The following TBC1D30 variants were observed in gnomAD, a reference collection of about 807,000 sequenced individuals.
TBC1D30 encodes TBC1 domain family, member 30.
TBC1D30 carries 31 observed loss-of-function variants against 63.2 expected under a neutral mutation model. The ratio of observed to expected loss-of-function variants is 0.49; its 90% CI spans 0.37 to 0.66. The LOEUF (loss-of-function observed/expected upper bound fraction) is 0.66. Among genes scored for constraint, TBC1D30 ranks in the 30% least tolerant of loss-of-function variants. The pLI is 0.00. For missense variants in TBC1D30, 810 were observed against 953.6 expected, an observed-to-expected ratio of 0.85 and a Z score of 1.98; for synonymous variants, 307 against 361.5, an observed-to-expected ratio of 0.85 and a Z score of 1.71.
intron 1 of TBC1D30, among the ~76,000 whole-genome samples, chr12:64,781,722 G>A (rs1871305889): frequency 6.7e-6 from 1 of 149,470 alleles, no homozygotes; most frequent in African/African-American, 2.5e-5. Flanking sequence ...TGTTTTTAAA[G>A]TCCGCCTTCT....
chr12:64,791,761 G>A (rs143810187), intron 2 of TBC1D30, among the ~76,000 whole-genome samples: 1 of 151,840 alleles, frequency 6.6e-6, no homozygotes, highest in Non-Finnish European at 1.5e-5. Context: ...GGCATGGAGG[G>A]GGTGGTGGGG....
chr12:64,791,363 G>A lies in TBC1D30; in HGVS notation c.643+5318G>A, dbSNP rs911493877. Among the ~76,000 whole-genome samples the A allele has an allele frequency of 8.5e-5, 13 of 152,220 alleles. 1 individual carries two copies. The South Asian group carries it at 2.7e-3, about 32-fold the overall frequency. On this transcript the variant is annotated intron_variant, in intron 2 of 12. Transcript: ENST00000542120. ...GTGGTGATGGTTGTACAATTTTATG[G>A]CATGTGAATTATATAAAATATGATA...
intron 2 of TBC1D30, among the ~76,000 whole-genome samples, chr12:64,817,980 T>C (rs2136340034): frequency 6.6e-6 from 1 of 151,848 alleles, no homozygotes; most frequent in East Asian, 1.9e-4. Context: ...CAGAAATCAC[T>C]TGAACCCAGG....
chr12:64,760,708 G>A (rs1174289524), intron 1 of TBC1D30, among the ~76,000 whole-genome samples: 2 of 150,826 alleles, frequency 1.3e-5, no homozygotes, highest in African/African-American at 4.9e-5. Context: ...CTTAAAACTC[G>A]TGAAAACTAT....
chr12:64,816,741 C>G (rs1012288675), intron 2 of TBC1D30, among the ~76,000 whole-genome samples: 8 of 152,110 alleles, frequency 5.3e-5, no homozygotes, highest in African/African-American at 1.9e-4. Context: ...TTCTTTTGTT[C>G]CTTTCTTTTC....
chr12:64,789,183 T>C (rs1357356073), intron 2 of TBC1D30, among the ~76,000 whole-genome samples: 2 of 138,828 alleles, frequency 1.4e-5, no homozygotes, highest in African/African-American at 5.7e-5. Flanking sequence ...TTCTTCTTCT[T>C]CTTTTTTTTT....
exon 1 of TBC1D30, chr12:64,780,984 G>C: frequency 5.7e-6 from 6 of 1,055,710 alleles, no homozygotes; most frequent in Non-Finnish European, 6.9e-6. Context: ...CGGGACACGT[G>C]GGACGGCGAT....
At chr12:64,802,405 C>A (rs1191461803) in intron 2 of TBC1D30, among the ~76,000 whole-genome samples, 3 of 152,116 alleles carry the variant, frequency 2.0e-5, no homozygotes, top group East Asian at 1.9e-4. Flanking sequence ...CAGCAGAGGG[C>A]AGGCTGGCTC....
chr12:64,806,895 T>G (rs1872904512), intron 2 of TBC1D30, among the ~76,000 whole-genome samples: 1 of 152,194 alleles, frequency 6.6e-6, no homozygotes, highest in Non-Finnish European at 1.5e-5. Context: ...GGATTAACCT[T>G]GAGAACACTA....
rs5798759 is a variant in TBC1D30 at position 64,795,809 on chromosome 12, C to CTT, written c.643+9773_643+9774dup. Among the ~76,000 whole-genome samples, 167 of 145,112 alleles carry CTT rather than the reference C, an allele frequency of 1.2e-3. 1 individual carries two copies. The highest frequency in any genetic ancestry group is 6.3e-3 in the East Asian group (32 of 5,066). ...TTTTGGTGGGGACCAAAGTTAGATG[C>CTT]TTTTTTTTTTCAATCTTCCGTCTTA... On this transcript the variant is annotated intron_variant, in intron 2 of 12. Transcript: ENST00000542120.
chr12:64,785,823 T>A (rs998800228), intron 1 of TBC1D30: 3 of 1,228,492 alleles, frequency 2.4e-6, no homozygotes, highest in East Asian at 5.8e-5. Flanking sequence ...AATATCACAC[T>A]GGAATTTGTA....
At chr12:64,765,829 C>T (rs1417131709) in intron 1 of TBC1D30, among the ~76,000 whole-genome samples, 2 of 54,222 alleles carry the variant, frequency 3.7e-5, no homozygotes, top group African/African-American at 3.0e-4. Flanking sequence ...AACCCCACCT[C>T]TACAAAAAAA....
chr12:64,826,423 G>A (rs536861397), intron 1 of TBC1D30, among the ~76,000 whole-genome samples: 2 of 152,314 alleles, frequency 1.3e-5, no homozygotes, highest in South Asian at 4.1e-4. Flanking sequence ...TCCTTGTAGT[G>A]TGGCAAGAAT....
chr12:64,831,417 A>T (rs1460763885), intron 4 of TBC1D30, among the ~76,000 whole-genome samples: 1 of 152,210 alleles, frequency 6.6e-6, no homozygotes, highest in Non-Finnish European at 1.5e-5. Context: ...CTTTTTGTCT[A>T]ACTGGTGAAT....
intron 2 of TBC1D30, among the ~76,000 whole-genome samples, chr12:64,794,491 G>C (rs1340427554): frequency 6.6e-6 from 1 of 151,814 alleles, no homozygotes; most frequent in African/African-American, 2.4e-5. Context: ...ATGTTGGAGT[G>C]CAGTGGTGCA....
At chr12:64,866,078 C>T (rs1440014771) in intron 9 of TBC1D30, among the ~76,000 whole-genome samples, 1 of 152,146 alleles carries the variant, frequency 6.6e-6, no homozygotes, top group Non-Finnish European at 1.5e-5. Flanking sequence ...CTATGTTACC[C>T]AGTCTGGTCT....
chr12:64,877,648 G>A lies in TBC1D30; in HGVS notation c.*1860G>A, dbSNP rs1380600058. 1 of 152,224 alleles carries A rather than the reference G, an allele frequency of 6.6e-6. No homozygotes were observed. Among genetic ancestry groups the A allele is most frequent in the East Asian group, 1.9e-4 (1 of 5,198 alleles). 9.4% of individuals were successfully genotyped at this position (152,224 alleles called of 1,614,324 possible). On this transcript the variant is annotated 3_prime_UTR_variant, in exon 12 of 12. Transcript: ENST00000539867. ...CTACAGCCTGTTTTTTGGGAAGGCT[G>A]TAGGTGGAGAGATGGGCTTATTTTG...
At chr12:64,828,716 C>T (rs1054659037) in intron 3 of TBC1D30, among the ~76,000 whole-genome samples, 3 of 152,058 alleles carry the variant, frequency 2.0e-5, no homozygotes, top group African/African-American at 7.3e-5. Flanking sequence ...ACAAAACAGA[C>T]CAAAGTTTTT....
intron 9 of TBC1D30, among the ~76,000 whole-genome samples, chr12:64,865,885 A>G (rs965427518): frequency 6.6e-6 from 1 of 152,180 alleles, no homozygotes; most frequent in African/African-American, 2.4e-5. Context: ...GTAAGAAAGC[A>G]TAAGGAAGCT....
Sources: gnomAD v4.1 joint callset for allele counts (sites outside exome capture counted in the v4.1 genomes callset) on GRCh38, gnomAD v4.1.1 for gene constraint, MANE v1.5 for transcripts, NCBI Gene and HGNC (gene_info 2026-07-23, HGNC 2026-07-21) for gene names.